POU2F3: variants seen among roughly 807,000 people sequenced by gnomAD.
The protein encoded by POU2F3 is POU class 2 homeobox 3.
POU2F3 carries 23 observed loss-of-function variants against 59.2 expected under a neutral mutation model. The observed-to-expected ratio is 0.39, with a 90% CI of 0.28 to 0.55. The LOEUF (loss-of-function observed/expected upper bound fraction) is 0.55, where lower values mean the gene tolerates loss of function less well. POU2F3 is among the 20% of genes least tolerant of loss of function. The probability of loss-of-function intolerance (pLI) is 0.66; values close to 1 mark genes in which losing one functional copy is unlikely to be tolerated. For missense variants in POU2F3, 473 were observed against 544.5 expected (o/e 0.87, Z 1.31); for synonymous variants, 190 against 214.6 (o/e 0.89, Z 1.00).
chr11:120,245,597 CT>C (rs1354475323), intron 1 of POU2F3, among the ~76,000 whole-genome samples: 1 of 152,154 alleles, frequency 6.6e-6, no homozygotes, highest in Non-Finnish European at 1.5e-5. Flanking sequence ...TCAAAGTTGC[CT>C]CTCTTCTTCC....
chr11:120,304,291 A>G (rs938447058), intron 6 of POU2F3: 17 of 145,920 alleles, frequency 1.2e-4, no homozygotes, highest in African/African-American at 4.1e-4. Context: ...TGATTGTGCC[A>G]CTACACTCTA....
intron 12 of POU2F3, 58 bp from the exon 13 acceptor site, chr11:120,318,295 T>C (rs927436055): frequency 2.0e-6 from 3 of 1,516,510 alleles, no homozygotes; most frequent in Non-Finnish European, 2.7e-6. Context: ...TCACTCCCCA[T>C]TCCCATCTTA....
At chr11:120,246,396 A>T in intron 1 of POU2F3, 53 bp from the exon 2 acceptor site, 1 of 1,581,306 alleles carries the variant, frequency 6.3e-7, no homozygotes, top group Non-Finnish European at 8.7e-7. Flanking sequence ...CACATATGTC[A>T]TAGCAAGAAA....
At chr11:120,314,246 G>A (rs1405542011) in intron 10 of POU2F3, among the ~76,000 whole-genome samples, 3 of 152,220 alleles carry the variant, frequency 2.0e-5, no homozygotes, top group African/African-American at 4.8e-5. Context: ...AGTACATGCT[G>A]CATCCTGTTA....
intron 3 of POU2F3, among the ~76,000 whole-genome samples, chr11:120,289,191 G>GTTCT (rs1940933301): frequency 6.6e-6 from 1 of 152,136 alleles, no homozygotes; most frequent in Non-Finnish European, 1.5e-5. Flanking sequence ...TTCTGTGCTA[G>GTTCT]TTCTGGTCCT....
At chr11:120,297,408 G>A (rs532362802) in intron 3 of POU2F3, among the ~76,000 whole-genome samples, 2 of 152,240 alleles carry the variant, frequency 1.3e-5, no homozygotes, top group African/African-American at 2.4e-5. Context: ...AGCATTGGCT[G>A]TGAGGGAGAC....
intron 5 of POU2F3, 126 bp from the exon 6 acceptor site, chr11:120,302,160 G>A: frequency 1.3e-6 from 1 of 745,280 alleles, no homozygotes; most frequent in Non-Finnish European, 2.3e-6. Context: ...ACTTGAGGTG[G>A]GTGGAGGGAC....
At chr11:120,288,164 G>T (rs1043163458) in intron 3 of POU2F3, among the ~76,000 whole-genome samples, 7 of 105,690 alleles carry the variant, frequency 6.6e-5, no homozygotes, top group Non-Finnish European at 9.7e-5. Context: ...AAAAAGGGCA[G>T]TCTGGGGCCA....
At chr11:120,302,625 C>T (rs1941379839) in intron 6 of POU2F3, 1 of 481,438 alleles carries the variant, frequency 2.1e-6, no homozygotes, top group Non-Finnish European at 3.7e-6. Flanking sequence ...GCTCCAGGCA[C>T]TGAACTCCAA....
intron 2 of POU2F3, chr11:120,256,593 C>A (rs1261183683): frequency 6.6e-6 from 1 of 152,244 alleles, no homozygotes; most frequent in East Asian, 1.9e-4. Context: ...CCACAAGAAG[C>A]CCACTCTGCC....
At chr11:120,237,537 C>T (rs1039134845), upstream of POU2F3, among the ~76,000 whole-genome samples, 17 of 152,176 alleles carry the variant, frequency 1.1e-4, no homozygotes, top group African/African-American at 3.9e-4. Flanking sequence ...CAAATATGGG[C>T]CTCTCTGACT....
chr11:120,305,102 C>T lies in POU2F3; in HGVS notation c.517C>T (p.Pro173Ser), dbSNP rs780457105. Reference protein sequence around the residue: ...HLEASQHLPVPKHLPSSGGAD... With the variant: ...HLEASQHLPVSKHLPSSGGAD... ...GGAAGCATCCCAGCATCTCCCAGTG[C>T]CCAAGCATCTACCCAGCTCTGGAGG... The change falls in exon 7 of 13, where the codon CCC becomes TCC. Residue 173 changes from proline (P) to serine (S), a missense_variant. Transcript: ENST00000543440. 20 of 1,613,850 alleles carry T rather than the reference C, an allele frequency of 1.2e-5. No individual in the cohort carries two copies. The highest frequency in any genetic ancestry group is 9.3e-6 in the Non-Finnish European group (11 of 1,180,020).
At chr11:120,291,998 T>G (rs529930700) in intron 3 of POU2F3, among the ~76,000 whole-genome samples, 2 of 152,130 alleles carry the variant, frequency 1.3e-5, no homozygotes, top group East Asian at 3.9e-4. Flanking sequence ...TTAGTAGAGA[T>G]GGGGTTTCAC....
At chr11:120,254,086 A>G (rs1352707295) in intron 2 of POU2F3, 2 of 152,186 alleles carry the variant, frequency 1.3e-5, no homozygotes, top group African/African-American at 2.4e-5. Context: ...CCCCAGCCCC[A>G]AGCTGGGAGT....
rs1422843475 is a variant in POU2F3 at position 120,243,185 on chromosome 11, G to T, written c.28+2814G>T. Among the ~76,000 whole-genome samples, 3 of 152,174 alleles carry T rather than the reference G, an allele frequency of 2.0e-5. No individual in the cohort carries two copies. In the South Asian group the frequency reaches 6.2e-4, roughly 32 times the overall value. On this transcript the variant is annotated intron_variant, in intron 1 of 12. Transcript: ENST00000543440. The stretch of plus-strand genomic sequence containing the variant: ...TGGCTAGCTCAGAAGTGGGGCCGGT[G>T]GGTCCTTTGAAGTCTCCCAGTGGAA...
chr11:120,268,669 A>G (rs1205290358), intron 2 of POU2F3, among the ~76,000 whole-genome samples: 1 of 152,158 alleles, frequency 6.6e-6, no homozygotes. Context: ...TTAAGCACAT[A>G]TTTACTTTTT....
chr11:120,236,647 C>T (rs779234110), upstream of POU2F3: 64 of 1,478,484 alleles, frequency 4.3e-5, no homozygotes, highest in African/African-American at 5.6e-5. Flanking sequence ...TATCTCACTC[C>T]AGCCCAGAGC....
At chr11:120,298,181 C>G in intron 3 of POU2F3, 84 bp from the exon 4 acceptor site, 1 of 1,486,598 alleles carries the variant, frequency 6.7e-7, no homozygotes, top group Non-Finnish European at 9.1e-7. Context: ...TCACTCCTTT[C>G]CTGCCTGGAT....
intron 3 of POU2F3, among the ~76,000 whole-genome samples, chr11:120,281,058 G>A (rs1185614472): frequency 2.6e-5 from 4 of 152,156 alleles, no homozygotes; most frequent in South Asian, 2.1e-4. Context: ...CCAGAGAGTC[G>A]TCTTCTCCCA....
Sources: gnomAD v4.1 joint callset for allele counts (sites outside exome capture counted in the v4.1 genomes callset) on GRCh38, gnomAD v4.1.1 for gene constraint, MANE v1.5 for transcripts, NCBI Gene and HGNC (gene_info 2026-07-23, HGNC 2026-07-21) for gene names.